Variants in RAP1GAP2 observed in about 807,000 individuals in gnomAD.
The protein encoded by RAP1GAP2 is rap1 GTPase-activating protein 2.
RAP1GAP2 carries 27 observed loss-of-function variants against 95.0 expected under a neutral mutation model. The observed-to-expected ratio is 0.28, with a 90% CI of 0.21 to 0.39. The LOEUF is 0.39. RAP1GAP2 is among the 10% of genes least tolerant of loss of function. The probability of loss-of-function intolerance (pLI) is 1.00; values close to 1 mark genes in which losing one functional copy is unlikely to be tolerated. For missense variants in RAP1GAP2, 771 were observed against 970.0 expected, an observed-to-expected ratio of 0.79 and a Z score of 2.72; for synonymous variants, 373 against 380.9, an observed-to-expected ratio of 0.98 and a Z score of 0.24.
chr17:2,755,981 A>G (rs567288294), intron 1 of RAP1GAP2, among the ~76,000 whole-genome samples: 234 of 152,212 alleles, frequency 1.5e-3, no homozygotes, highest in Admixed American at 3.1e-3. Flanking sequence ...GGCTCTCCAA[A>G]GAGATGGGCG....
chr17:2,849,274 C>A (rs58814023), intron 2 of RAP1GAP2, among the ~76,000 whole-genome samples: 1 of 152,054 alleles, frequency 6.6e-6, no homozygotes, highest in South Asian at 2.1e-4. Context: ...TGGCCCCCCT[C>A]GCCCCCACCC....
Position 2,963,339 on chromosome 17 carries a change from A to G in RAP1GAP2, c.247-91A>G. The G allele has an allele frequency of 9.2e-7, 1 of 1,090,450 alleles. No individual in the cohort carries two copies. The highest frequency in any genetic ancestry group is 1.4e-6 in the Non-Finnish European group (1 of 729,140). 67.5% of individuals were successfully genotyped at this position (1,090,450 alleles called of 1,614,324 possible). On this transcript the variant is annotated intron_variant, in intron 5 of 24. Transcript: ENST00000254695. This position sits in a 1 kb window ranked among gnomAD's most constrained non-coding sequence, Gnocchi z 4.8. ...TGTTCCTCCCTCAAAGCCCCCCCAC[A>G]ACATATCCCCCTTGCAAGACCTGGA... is the stretch of plus-strand genomic sequence containing the variant.
intron 1 of RAP1GAP2, among the ~76,000 whole-genome samples, chr17:2,760,698 C>T (rs1428765920): frequency 6.6e-6 from 1 of 151,310 alleles, no homozygotes; most frequent in African/African-American, 2.4e-5. Context: ...TGTCCTTTCC[C>T]TGTTCTAGGG....
At chr17:2,843,305 T>C (rs1259829499) in intron 2 of RAP1GAP2, among the ~76,000 whole-genome samples, 6 of 151,014 alleles carry the variant, frequency 4.0e-5, no homozygotes, top group Admixed American at 2.7e-4. Context: ...TTTTTTTTTT[T>C]AATGGTGTCT....
At chr17:2,936,287 C>T (rs2043309352) in intron 3 of RAP1GAP2, among the ~76,000 whole-genome samples, 1 of 119,462 alleles carries the variant, frequency 8.4e-6, no homozygotes, top group African/African-American at 3.3e-5. Flanking sequence ...CTCTTAAGTA[C>T]TATTTGTCTC....
chr17:3,002,515 G>A (rs142622009), intron 14 of RAP1GAP2, among the ~76,000 whole-genome samples: 70 of 152,342 alleles, frequency 4.6e-4, no homozygotes, highest in African/African-American at 1.6e-3. Flanking sequence ...CAGACTGCGA[G>A]GAGGACCCGG....
chr17:2,850,291 C>T (rs551033378), intron 2 of RAP1GAP2, among the ~76,000 whole-genome samples: 65 of 151,540 alleles, frequency 4.3e-4, no homozygotes, highest in South Asian at 2.1e-3. Context: ...TGAGCCACTG[C>T]GCCTGGCCCG....
At chr17:2,760,044 C>T (rs1200204648) in intron 1 of RAP1GAP2, among the ~76,000 whole-genome samples, 2 of 152,022 alleles carry the variant, frequency 1.3e-5, no homozygotes, top group African/African-American at 2.4e-5. Flanking sequence ...CTGCGATTAA[C>T]AAACTTTAAA....
upstream of RAP1GAP2, among the ~76,000 whole-genome samples, chr17:2,772,621 T>C (rs1336296925): frequency 2.0e-5 from 3 of 151,974 alleles, no homozygotes; most frequent in Admixed American, 6.6e-5. Flanking sequence ...GTTCCCGTTA[T>C]GTGTCATGCA....
At chr17:2,922,538 T>C (rs1179993847) in intron 3 of RAP1GAP2, among the ~76,000 whole-genome samples, 2 of 152,098 alleles carry the variant, frequency 1.3e-5, no homozygotes, top group African/African-American at 4.8e-5. Flanking sequence ...CCTTGTGTAG[T>C]TGTAAGTCAT....
chr17:2,828,347 C>CAACAAACA (rs150647555), intron 2 of RAP1GAP2, among the ~76,000 whole-genome samples: 1 of 150,216 alleles, frequency 6.7e-6, no homozygotes, highest in Non-Finnish European at 1.5e-5. Flanking sequence ...TCAAAAACAA[C>CAACAAACA]AACAAACAAA....
chr17:2,792,198 G>A (rs1230317854), upstream of RAP1GAP2, among the ~76,000 whole-genome samples: 1 of 152,170 alleles, frequency 6.6e-6, no homozygotes, highest in African/African-American at 2.4e-5. Context: ...TTCCCAGGGA[G>A]CCCACAGTCT....
At chr17:2,976,273 A>T (rs1408025308) in intron 8 of RAP1GAP2, among the ~76,000 whole-genome samples, 1 of 152,226 alleles carries the variant, frequency 6.6e-6, no homozygotes, top group African/African-American at 2.4e-5. Context: ...CAAAAGAAAA[A>T]AATACATTTT....
chr17:2,894,806 T>C (rs949717445), intron 2 of RAP1GAP2, among the ~76,000 whole-genome samples: 3 of 152,154 alleles, frequency 2.0e-5, no homozygotes, highest in African/African-American at 7.2e-5. Flanking sequence ...GACCCTTTCA[T>C]GTCATTTCTG....
intron 2 of RAP1GAP2, among the ~76,000 whole-genome samples, chr17:2,868,333 A>G (rs1447112606): frequency 6.6e-6 from 1 of 152,170 alleles, no homozygotes; most frequent in Non-Finnish European, 1.5e-5. Flanking sequence ...TGGCAAAAAC[A>G]CGACTGCAGA....
intron 2 of RAP1GAP2, among the ~76,000 whole-genome samples, chr17:2,888,252 C>T (rs1039405521): frequency 6.6e-6 from 1 of 152,242 alleles, no homozygotes; most frequent in Non-Finnish European, 1.5e-5. Context: ...TCACCTCAAA[C>T]GTTGATCATT....
At chr17:2,992,845 C>T (rs969538609) in intron 12 of RAP1GAP2, among the ~76,000 whole-genome samples, 2 of 152,112 alleles carry the variant, frequency 1.3e-5, no homozygotes, top group Non-Finnish European at 2.9e-5. Context: ...ACCCCCGCTC[C>T]ATCACTTATT....
At position 2,855,246 on chromosome 17, in the gene RAP1GAP2, A is replaced by G. The variant is rs143263062; in HGVS notation, c.81-50038A>G. ...ATGAATTTCCCGTGAAAATGACATAAGGTGGTTCAGCATGAAATAACATTG... is the reference window on the plus strand; with the variant it reads ...ATGAATTTCCCGTGAAAATGACATAGGGTGGTTCAGCATGAAATAACATTG... On this transcript the variant is annotated intron_variant, in intron 2 of 24. Transcript: ENST00000254695. The surrounding 1 kb of genome is among the most constrained non-coding windows in gnomAD (Gnocchi z 4.3). Among the ~76,000 whole-genome samples the G allele has an allele frequency of 1.6e-3, 241 of 152,330 alleles. 1 individual carries two copies. The highest frequency in any genetic ancestry group is 5.7e-3 in the African/African-American group (235 of 41,568).
At chr17:2,820,222 T>A (rs1222109961) in intron 2 of RAP1GAP2, among the ~76,000 whole-genome samples, 1 of 152,188 alleles carries the variant, frequency 6.6e-6, no homozygotes, top group African/African-American at 2.4e-5. Flanking sequence ...AGGCAGTGGC[T>A]TTCCCCTTGC....
Sources: gnomAD v4.1 joint callset for allele counts (sites outside exome capture counted in the v4.1 genomes callset) on GRCh38, gnomAD v4.1.1 for gene constraint, Gnocchi (gnomAD v3.1) non-coding constraint, MANE v1.5 for transcripts, NCBI Gene and HGNC (gene_info 2026-07-23, HGNC 2026-07-21) for gene names.